KCTD16: variants seen among roughly 807,000 people sequenced by gnomAD.
KCTD16 encodes the protein BTB/POZ domain-containing protein KCTD16.
In KCTD16, 13 loss-of-function variants were observed where a neutral mutation model predicts 33.2. The observed-to-expected ratio is 0.39, with a 90% CI of 0.25 to 0.62. KCTD16 has a LOEUF of 0.62. KCTD16 is among the 20% of genes least tolerant of loss of function. KCTD16 has a pLI of 0.50. For synonymous variants in KCTD16, 197 were observed against 195.3 expected, an observed-to-expected ratio of 1.01 and a Z score of -0.07; for missense variants, 441 against 525.1, an observed-to-expected ratio of 0.84 and a Z score of 1.57.
intron 3 of KCTD16, among the ~76,000 whole-genome samples, chr5:144,425,594 C>T (rs1753309234): frequency 6.6e-6 from 1 of 152,066 alleles, no homozygotes; most frequent in Non-Finnish European, 1.5e-5. Context: ...CTCCACTACT[C>T]TTGCATTCTG....
At chr5:144,242,460 T>C (rs1347788093) in intron 3 of KCTD16, among the ~76,000 whole-genome samples, 1 of 152,208 alleles carries the variant, frequency 6.6e-6, no homozygotes, top group Admixed American at 6.5e-5. Context: ...TGTTGTCACA[T>C]ATTTTATTCT....
At chr5:144,353,140 A>G (rs1242931707) in intron 3 of KCTD16, among the ~76,000 whole-genome samples, 1 of 152,180 alleles carries the variant, frequency 6.6e-6, no homozygotes, top group Admixed American at 6.5e-5. Flanking sequence ...GTTGTTCCCA[A>G]GGGGCCCTAC....
intron 3 of KCTD16, among the ~76,000 whole-genome samples, chr5:144,332,117 A>G (rs540585865): frequency 6.6e-6 from 1 of 152,304 alleles, no homozygotes; most frequent in Admixed American, 6.5e-5. Flanking sequence ...CTAAAATGAC[A>G]AAAGAGGAGT....
intron 3 of KCTD16, among the ~76,000 whole-genome samples, chr5:144,346,768 A>G (rs965079066): frequency 6.6e-6 from 1 of 152,196 alleles, no homozygotes; most frequent in Non-Finnish European, 1.5e-5. Flanking sequence ...CCCTTGTCAG[A>G]TAGGTAGTTT....
At chr5:144,276,625 C>T (rs1350882343) in intron 3 of KCTD16, among the ~76,000 whole-genome samples, 2 of 152,128 alleles carry the variant, frequency 1.3e-5, no homozygotes, top group South Asian at 2.1e-4. Flanking sequence ...TCTATCTCGC[C>T]GGGCACGATG....
chr5:144,209,598 C>T (rs974086706), intron 3 of KCTD16, among the ~76,000 whole-genome samples: 15 of 151,782 alleles, frequency 9.9e-5, no homozygotes, highest in East Asian at 7.7e-4. Context: ...TAACAGCTTC[C>T]GTGCAGCTGC....
chr5:144,439,685 G>T (rs1257966982), intron 3 of KCTD16, among the ~76,000 whole-genome samples: 1 of 152,142 alleles, frequency 6.6e-6, no homozygotes, highest in Non-Finnish European at 1.5e-5. Context: ...TGCTCTGTGG[G>T]CCACAGCCTC....
chr5:144,432,315 C>A (rs1753481364), intron 3 of KCTD16, among the ~76,000 whole-genome samples: 2 of 152,074 alleles, frequency 1.3e-5, no homozygotes, highest in African/African-American at 2.4e-5. Context: ...TGCTTACAAA[C>A]CTTGTGCCAA....
chr5:144,415,882 T>C (rs1312504837), intron 3 of KCTD16, among the ~76,000 whole-genome samples: 1 of 152,204 alleles, frequency 6.6e-6, no homozygotes, highest in Admixed American at 6.5e-5. Context: ...TCTTAGTTAT[T>C]ATATGCCTCT....
At chr5:144,458,520 A>G (rs1467966888) in intron 3 of KCTD16, among the ~76,000 whole-genome samples, 3 of 152,224 alleles carry the variant, frequency 2.0e-5, no homozygotes, top group Admixed American at 1.3e-4. Context: ...AATGTTTACT[A>G]ACTACTCTTT....
chr5:144,393,503 G>A (rs1752496837), intron 3 of KCTD16, among the ~76,000 whole-genome samples: 1 of 151,878 alleles, frequency 6.6e-6, no homozygotes, highest in Admixed American at 6.6e-5. Context: ...GTATAATTTG[G>A]GGCACTCAAA....
Position 144,477,373 on chromosome 5 carries a change from T to C in KCTD16, c.*3259T>C, listed in dbSNP as rs1754617477. On this transcript the variant is annotated 3_prime_UTR_variant, in exon 4 of 4. Transcript: ENST00000512467. Reference sequence around the variant, plus strand: ...TGAATTAAAATAAAAGGGGGAACAATGCACAAATAATAAGCGTTCCCTTTG... The same window carrying C: ...TGAATTAAAATAAAAGGGGGAACAACGCACAAATAATAAGCGTTCCCTTTG... The C allele has an allele frequency of 6.6e-6, 1 of 152,148 alleles. No homozygotes were observed. The highest frequency in any genetic ancestry group is 1.5e-5 in the Non-Finnish European group (1 of 68,018). The allele number at this position is 152,148 out of a possible 1,614,324, so 9.4% of individuals were successfully genotyped here.
In KCTD16 at chr5:144,469,451, A is replaced by G. The variant is rs547352264; in HGVS notation, c.833-4209A>G. ...ATTAGCTGTGTAGTGTATTGATGGA[A>G]ACATTATAATTATATAGCAAGCCCC... On this transcript the variant is annotated intron_variant, in intron 3 of 3. Transcript: ENST00000512467. Among the ~76,000 whole-genome samples, 77 of 152,354 alleles carry G rather than the reference A, an allele frequency of 5.1e-4. No individual in the cohort carries two copies. In the South Asian group the frequency reaches 0.015, roughly 30 times the overall value.
At chr5:144,369,794 A>T (rs1228214685) in intron 3 of KCTD16, among the ~76,000 whole-genome samples, 1 of 152,148 alleles carries the variant, frequency 6.6e-6, no homozygotes, top group Non-Finnish European at 1.5e-5. Context: ...AGTACCATTG[A>T]AGGAAGTGTA....
chr5:144,431,772 A>G (rs917651582), intron 3 of KCTD16, among the ~76,000 whole-genome samples: 2 of 152,178 alleles, frequency 1.3e-5, no homozygotes, highest in Non-Finnish European at 2.9e-5. Context: ...ACACAATACT[A>G]TGTACAAAAT....
intron 3 of KCTD16, among the ~76,000 whole-genome samples, chr5:144,251,287 G>C (rs143190256): frequency 6.0e-4 from 92 of 152,280 alleles, no homozygotes; most frequent in African/African-American, 2.2e-3. Flanking sequence ...TGGAGGCAAA[G>C]TACCTGGGTT....
intron 3 of KCTD16, among the ~76,000 whole-genome samples, chr5:144,337,278 A>G (rs2126895936): frequency 6.6e-6 from 1 of 152,168 alleles, no homozygotes; most frequent in South Asian, 2.1e-4. Context: ...GGATATGAAA[A>G]ATTTTATAGT....
At chr5:144,418,107 G>T (rs1255127767) in intron 3 of KCTD16, among the ~76,000 whole-genome samples, 6 of 152,124 alleles carry the variant, frequency 3.9e-5, no homozygotes. Flanking sequence ...GTTCCTCCTG[G>T]TGGGTTGGTA....
chr5:144,364,174 C>T (rs1373305978), intron 3 of KCTD16, among the ~76,000 whole-genome samples: 1 of 152,144 alleles, frequency 6.6e-6, no homozygotes, highest in East Asian at 1.9e-4. Context: ...CCCTTCTATG[C>T]TTTTGAATCC....
Sources: gnomAD v4.1 joint callset for allele counts (sites outside exome capture counted in the v4.1 genomes callset) on GRCh38, gnomAD v4.1.1 for gene constraint, MANE v1.5 for transcripts, NCBI Gene and HGNC (gene_info 2026-07-23, HGNC 2026-07-21) for gene names.